AKAP3: variants seen among roughly 807,000 people sequenced by gnomAD.
AKAP3 encodes A-kinase anchor protein 3.
Under a neutral mutation model 57.2 loss-of-function variants are expected in AKAP3, and 27 were observed. That is an observed-to-expected ratio of 0.47 (90% CI 0.35 to 0.65). AKAP3 has a LOEUF of 0.65. AKAP3 is among the 30% of genes least tolerant of loss of function. AKAP3 has a pLI of 0.01. For missense variants in AKAP3, 959 were observed against 1,040.0 expected (o/e 0.92, Z 1.07); for synonymous variants, 334 against 392.3 (o/e 0.85, Z 1.76).
At chr12:4,641,298 T>A (rs1207377673) in intron 3 of AKAP3, among the ~76,000 whole-genome samples, 1 of 152,128 alleles carries the variant, frequency 6.6e-6, no homozygotes, top group African/African-American at 2.4e-5. Flanking sequence ...ATTAAAATGT[T>A]CCTCAAAAAT....
intron 5 of AKAP3, among the ~76,000 whole-genome samples, chr12:4,616,542 A>G (rs1233798138): frequency 6.6e-6 from 1 of 152,240 alleles, no homozygotes; most frequent in Non-Finnish European, 1.5e-5. Flanking sequence ...TTTTACAACA[A>G]AGGGCAGGCA....
At chr12:4,642,673 C>T (rs1304972250) in intron 2 of AKAP3, among the ~76,000 whole-genome samples, 4 of 152,144 alleles carry the variant, frequency 2.6e-5, no homozygotes, top group Admixed American at 2.6e-4. Flanking sequence ...ATTGAAGTTT[C>T]CATCATATTT....
At position 4,627,068 on chromosome 12, in the gene AKAP3, T is replaced by A. The variant is rs754684165; in HGVS notation, c.1834A>T (p.Ser612Cys). ...TGTTCCGGCACCTTGGGTTCAGGGCTCTGGTCACGCTTGAAAATGGTCTCA... is the reference window on the plus strand; with the variant it reads ...TGTTCCGGCACCTTGGGTTCAGGGCACTGGTCACGCTTGAAAATGGTCTCA... ...LSETIFKRDQ[S>C]PEPKVPEQPV... is the part of the protein sequence containing the mutation. The change falls in exon 5 of 6, where the codon AGC (serine) becomes TGC (cysteine). Residue 612 changes from serine (S) to cysteine (C), a missense_variant. By Grantham distance (112) the Ser-to-Cys change is moderately radical. Transcript: ENST00000228850. 6.2e-7 allele frequency: 1 copy of A among 1,614,104 alleles called. No homozygotes were observed. Among genetic ancestry groups the A allele is most frequent in the South Asian group, 1.1e-5 (1 of 91,068 alleles).
In AKAP3 at chr12:4,645,081, C is replaced by T. The variant is rs986226170; in HGVS notation, c.-133G>A. 3.3e-5 allele frequency: 5 copies of T among 152,216 alleles called. No individual in the cohort carries two copies. The highest frequency in any genetic ancestry group is 2.1e-4 in the South Asian group (1 of 4,832). The allele number at this position is 152,216 out of a possible 1,614,324, so 9.4% of individuals were successfully genotyped here. A position where few individuals can be genotyped will look rare whatever the true frequency, so the allele number is the denominator to read the frequency against. On this transcript the variant is annotated 5_prime_UTR_variant, in exon 2 of 6. It adds an upstream start codon to the 5' untranslated region. Coordinates refer to ENST00000228850, the MANE Select transcript of AKAP3 (RefSeq NM_001278309.2). The stretch of plus-strand genomic sequence containing the variant: ...TCTGTAGTACTGGAATAGTGAACCA[C>T]GGAAGACTCCAGAATATACTTTTAA...
In AKAP3 at chr12:4,620,518, T is replaced by C. The variant is rs147415575; in HGVS notation, c.2407-4624A>G. On this transcript the variant is annotated intron_variant, in intron 5 of 5. Transcript: ENST00000228850. ...AAAGAGAGATTGTAACCCTACTTCA[T>C]ACCTTATATAAAAATGAATTCAAAA... Among the ~76,000 whole-genome samples, 561 of 146,688 alleles carry C rather than the reference T, an allele frequency of 3.8e-3. 3 individuals are homozygous for C. Among genetic ancestry groups the C allele is most frequent in the African/African-American group, 0.013 (534 of 40,106 alleles).
intron 1 of AKAP3, chr12:4,645,734 G>A (rs571117752): frequency 1.3e-4 from 20 of 152,282 alleles, no homozygotes; most frequent in Admixed American, 1.2e-3. Flanking sequence ...TTTACCTGCT[G>A]TGTGGCCAGG....
chr12:4,620,075 G>C (rs1457787897), intron 5 of AKAP3, among the ~76,000 whole-genome samples: 3 of 152,106 alleles, frequency 2.0e-5, no homozygotes, highest in Non-Finnish European at 2.9e-5. Flanking sequence ...AGAGTCTCCA[G>C]TCCTATCGGA....
chr12:4,618,342 A>G (rs931088661), intron 5 of AKAP3, among the ~76,000 whole-genome samples: 1 of 152,238 alleles, frequency 6.6e-6, no homozygotes, highest in Non-Finnish European at 1.5e-5. Context: ...TTTTTAATAA[A>G]GGAGATGGAT....
In AKAP3 at chr12:4,635,727, T is replaced by C. The variant is rs563438558; in HGVS notation, c.96+2374A>G. The stretch of plus-strand genomic sequence containing the variant: ...GCTGCTTGTGCTCCTCTGTAGTACA[T>C]TGGTGCTAGGCTACGGTATCATTCT... On this transcript the variant is annotated intron_variant, in intron 4 of 5. Coordinates refer to ENST00000228850, the MANE Select transcript of AKAP3 (RefSeq NM_001278309.2). 915 of 720,382 alleles carry C rather than the reference T, an allele frequency of 1.3e-3. 13 individuals carry two copies. The highest frequency in any genetic ancestry group is 0.011 in the South Asian group (713 of 66,576). 44.6% of individuals were successfully genotyped at this position (720,382 alleles called of 1,614,324 possible). A position where few individuals can be genotyped will look rare whatever the true frequency, so the allele number is the denominator to read the frequency against.
Position 4,628,101 on chromosome 12 carries a change from C to T in AKAP3, c.801G>A (p.Arg267=). The part of the protein sequence containing the change: ...GGRFFPRERK[R]FRGQERPDDF... ...CATCAGGCCTTTCCTGCCCTCGAAA[C>T]CTCTTTCTCTCCCGAGGAAAGAACC... Residue 267 remains arginine (R), a synonymous_variant, in exon 5 of 6, where the codon AGG becomes AGA. Transcript: ENST00000228850. The T allele has an allele frequency of 6.2e-7, 1 of 1,614,172 alleles. No homozygotes were observed. Among genetic ancestry groups the T allele is most frequent in the South Asian group, 1.1e-5 (1 of 91,076 alleles).
intron 5 of AKAP3, among the ~76,000 whole-genome samples, chr12:4,617,376 G>A (rs1242079005): frequency 6.6e-6 from 1 of 152,204 alleles, no homozygotes; most frequent in Non-Finnish European, 1.5e-5. Context: ...AAGGAAACTG[G>A]GAACATTAAG....
intron 5 of AKAP3, among the ~76,000 whole-genome samples, chr12:4,617,919 T>C (rs1188007724): frequency 2.0e-5 from 3 of 152,190 alleles, no homozygotes; most frequent in Non-Finnish European, 4.4e-5. Flanking sequence ...TGGTAAACTA[T>C]TGATGCTACA....
chr12:4,635,591 T>C lies in AKAP3; in HGVS notation c.96+2510A>G. On this transcript the variant is annotated intron_variant, in intron 4 of 5. Transcript: ENST00000228850. ...TCTTTTATTTGCTAGGTCAGCCTTG[T>C]TTCCTGATAAAGCTATTACAATATC... 3 of 723,726 alleles carry C rather than the reference T, an allele frequency of 4.1e-6. No homozygotes were observed. The South Asian group carries it at 4.5e-5, about 11-fold the overall frequency. The allele number at this position is 723,726 out of a possible 1,614,324, so 44.8% of individuals were successfully genotyped here. A position where few individuals can be genotyped will look rare whatever the true frequency, so the allele number is the denominator to read the frequency against.
chr12:4,647,477 A>G (rs1336473294), intron 1 of AKAP3, among the ~76,000 whole-genome samples: 1 of 150,942 alleles, frequency 6.6e-6, no homozygotes, highest in Non-Finnish European at 1.5e-5. Flanking sequence ...ATTTGAGACA[A>G]GCCTGGGCAA....
intron 5 of AKAP3, among the ~76,000 whole-genome samples, chr12:4,618,947 A>G (rs1945316134): frequency 6.6e-6 from 1 of 152,256 alleles, no homozygotes; most frequent in Non-Finnish European, 1.5e-5. Context: ...CAGAATACAT[A>G]AAAGAGCTCT....
intron 5 of AKAP3, among the ~76,000 whole-genome samples, chr12:4,621,744 G>A (rs1246124936): frequency 3.3e-5 from 5 of 152,118 alleles, no homozygotes. Context: ...ACTAAGCAAT[G>A]CATGAGTGGA....
At chr12:4,626,354 T>G in intron 5 of AKAP3, 142 bp downstream of exon 5, 1 of 1,035,064 alleles carries the variant, frequency 9.7e-7, no homozygotes. Flanking sequence ...CCATTATCTC[T>G]GCCAGGAGGC....
intron 2 of AKAP3, among the ~76,000 whole-genome samples, chr12:4,643,774 G>A (rs537244890): frequency 1.5e-4 from 23 of 152,276 alleles, no homozygotes; most frequent in Admixed American, 3.9e-4. Context: ...GGTTATGGTC[G>A]TTATATCCTA....
At position 4,632,312 on chromosome 12, in the gene AKAP3, T is replaced by A. The variant is rs141469745; in HGVS notation, c.97-3507A>T. ...AAGGGGTGTATGTGACTGTAGGAAGTCGTCGTCATGTGTAGTCGTGAGTTC... is the reference window on the plus strand; with the variant it reads ...AAGGGGTGTATGTGACTGTAGGAAGACGTCGTCATGTGTAGTCGTGAGTTC... On this transcript the variant is annotated intron_variant, in intron 4 of 5. Coordinates refer to ENST00000228850, the MANE Select transcript of AKAP3 (RefSeq NM_001278309.2). 1.1e-3 allele frequency among the ~76,000 whole-genome samples: 167 copies of A among 152,332 alleles called. 3 individuals carry two copies. The East Asian group carries it at 0.03, about 27-fold the overall frequency.
Sources: gnomAD v4.1 joint callset for allele counts (sites outside exome capture counted in the v4.1 genomes callset) on GRCh38, gnomAD v4.1.1 for gene constraint, MANE v1.5 for transcripts, NCBI Gene and HGNC (gene_info 2026-07-23, HGNC 2026-07-21) for gene names.